The following RPA1 variants were observed in gnomAD, a reference collection of about 807,000 sequenced individuals.
RPA1 encodes replication protein A1, also known as replication protein A 70 kDa DNA-binding subunit.
Under a neutral mutation model 83.0 loss-of-function variants are expected in RPA1, and 49 were observed. That is an observed-to-expected ratio of 0.59 (90% CI 0.47 to 0.75). RPA1 has a LOEUF of 0.75. RPA1 is among the 30% of genes least tolerant of loss of function. The pLI is 0.00. For missense variants in RPA1, 693 were observed against 776.1 expected (o/e 0.89, Z 1.27); for synonymous variants, 279 against 281.8 (o/e 0.99, Z 0.10).
chr17:1,886,053 A>G (rs1242918819), intron 13 of RPA1, among the ~76,000 whole-genome samples: 3 of 152,038 alleles, frequency 2.0e-5, no homozygotes, highest in Admixed American at 2.0e-4. Flanking sequence ...TGCATTGTCA[A>G]TATATTAATC....
At chr17:1,841,384 A>G (rs1329223774) in intron 1 of RPA1, among the ~76,000 whole-genome samples, 2 of 151,730 alleles carry the variant, frequency 1.3e-5, no homozygotes, top group Non-Finnish European at 2.9e-5. Flanking sequence ...GCTCCCTGCA[A>G]CCTCCGCCTC....
chr17:1,883,025 T>C, intron 12 of RPA1, among the ~76,000 whole-genome samples: 1 of 152,112 alleles, frequency 6.6e-6, no homozygotes, highest in Non-Finnish European at 1.5e-5. Context: ...TTCCGTTTCT[T>C]CAGTAGACTT....
rs116053866 is a variant in RPA1, at chr17:1,859,421, G to T, written c.361+6232G>T. ...ATTGAAATCTCTAACTGTAATAATT[G>T]TAAGTTTCTCTGTCTCTCTGCAGTT... is the stretch of plus-strand genomic sequence containing the variant. On this transcript the variant is annotated intron_variant, in intron 5 of 16. Transcript: ENST00000254719. Among the ~76,000 whole-genome samples the T allele has an allele frequency of 9.8e-3, 1,486 of 152,232 alleles. 35 individuals are homozygous for T. Among genetic ancestry groups the T allele is most frequent in the African/African-American group, 0.034 (1,394 of 41,524 alleles).
At chr17:1,840,247 C>G (rs1241499973) in intron 1 of RPA1, among the ~76,000 whole-genome samples, 3 of 152,098 alleles carry the variant, frequency 2.0e-5, no homozygotes, top group Non-Finnish European at 4.4e-5. Context: ...GATTCTTCCT[C>G]AGCTTTCTGA....
At chr17:1,840,837 C>T (rs867291224) in intron 1 of RPA1, among the ~76,000 whole-genome samples, 5 of 152,170 alleles carry the variant, frequency 3.3e-5, no homozygotes, top group Middle Eastern at 3.4e-3. Context: ...GAGGCTGAGG[C>T]GGGCAGATCA....
rs375793704 is a variant in RPA1 at position 1,864,757 on chromosome 17, G to A, written c.362-7677G>A. On this transcript the variant is annotated intron_variant, in intron 5 of 16. Coordinates refer to ENST00000254719, the MANE Select transcript of RPA1 (RefSeq NM_002945.5). ...CTACTAAAAATAAAAAAAATTAGCC[G>A]AGTGTGGTGGCGGGCACCTGTAATC... Among the ~76,000 whole-genome samples the A allele has an allele frequency of 7.2e-5, 11 of 151,932 alleles. 1 individual carries two copies. The highest frequency in any genetic ancestry group is 2.2e-4 in the African/African-American group (9 of 41,400).
At chr17:1,862,025 G>A (rs1912993232) in intron 5 of RPA1, among the ~76,000 whole-genome samples, 1 of 151,460 alleles carries the variant, frequency 6.6e-6, no homozygotes, top group African/African-American at 2.4e-5. Context: ...TGAGTAGCTG[G>A]GACTACAGGC....
chr17:1,852,847 C>A (rs1264099254), intron 4 of RPA1, among the ~76,000 whole-genome samples: 2 of 152,170 alleles, frequency 1.3e-5, no homozygotes, highest in Non-Finnish European at 2.9e-5. Flanking sequence ...TAAATTCTTA[C>A]CATGTCGGTT....
intron 5 of RPA1, among the ~76,000 whole-genome samples, chr17:1,860,849 T>G (rs1480878562): frequency 6.6e-6 from 1 of 152,200 alleles, no homozygotes; most frequent in Non-Finnish European, 1.5e-5. Context: ...ATTCTTGAGC[T>G]TTTTTCAGGG....
intron 1 of RPA1, among the ~76,000 whole-genome samples, chr17:1,839,679 C>T (rs1253715190): frequency 6.6e-6 from 1 of 150,816 alleles, no homozygotes; most frequent in Non-Finnish European, 1.5e-5. Context: ...GTCATCCAAG[C>T]TGGAGTGCAG....
intron 2 of RPA1, among the ~76,000 whole-genome samples, chr17:1,843,598 C>CATCATTATTATTATT (rs140587406): frequency 4.3e-5 from 6 of 141,124 alleles, no homozygotes; most frequent in African/African-American, 1.3e-4. Flanking sequence ...TTGGGTGCTT[C>CATCATTATTATTATT]ATTATTATTA....
chr17:1,866,740 C>T (rs898968433), intron 5 of RPA1, among the ~76,000 whole-genome samples: 6 of 152,234 alleles, frequency 3.9e-5, no homozygotes, highest in East Asian at 3.8e-4. Flanking sequence ...GGATTACAGG[C>T]GGGGACCGCT....
At chr17:1,865,153 GTTT>G (rs1309768735) in intron 5 of RPA1, among the ~76,000 whole-genome samples, 5 of 152,226 alleles carry the variant, frequency 3.3e-5, no homozygotes, top group African/African-American at 1.2e-4. Flanking sequence ...CAGTTGATCA[GTTT>G]TTAATCATTA....
At chr17:1,832,616 AC>A (rs1486539440) in intron 1 of RPA1, among the ~76,000 whole-genome samples, 1 of 151,630 alleles carries the variant, frequency 6.6e-6, no homozygotes, top group Non-Finnish European at 1.5e-5. Context: ...CGAACTCCTG[AC>A]CTCAAGCAAT....
chr17:1,874,455 A>T (rs1040585957), intron 6 of RPA1, among the ~76,000 whole-genome samples: 2 of 152,188 alleles, frequency 1.3e-5, no homozygotes, highest in Non-Finnish European at 2.9e-5. Context: ...GCAGCGAGCT[A>T]AGATCGTGCC....
At chr17:1,877,373 C>T (rs964098643) in intron 8 of RPA1, 59 bp downstream of exon 8, 5 of 1,488,080 alleles carry the variant, frequency 3.4e-6, no homozygotes, top group African/African-American at 1.4e-5. Flanking sequence ...ACAGAAGGCT[C>T]AGCTCTGCGG....
At chr17:1,893,973 A>G (rs1327807374) in intron 15 of RPA1, among the ~76,000 whole-genome samples, 1 of 148,830 alleles carries the variant, frequency 6.7e-6, no homozygotes, top group Non-Finnish European at 1.5e-5. Flanking sequence ...CAGTCCTGCC[A>G]CCTCAGTCTC....
chr17:1,888,554 T>A (rs1914079115), intron 13 of RPA1, 121 bp from the exon 14 acceptor site: 3 of 885,914 alleles, frequency 3.4e-6, no homozygotes, highest in Non-Finnish European at 3.4e-6. Flanking sequence ...TGATCATGTG[T>A]AATCTTGAGG....
intron 4 of RPA1, among the ~76,000 whole-genome samples, chr17:1,848,844 G>A (rs532322484): frequency 5.8e-4 from 89 of 152,158 alleles, no homozygotes; most frequent in African/African-American, 1.9e-3. Context: ...GATTACAGGT[G>A]TGAGCCACCG....
Sources: gnomAD v4.1 joint callset for allele counts (sites outside exome capture counted in the v4.1 genomes callset) on GRCh38, gnomAD v4.1.1 for gene constraint, MANE v1.5 for transcripts, NCBI Gene and HGNC (gene_info 2026-07-23, HGNC 2026-07-21) for gene names.